The following SLCO5A1 variants were observed in gnomAD, a reference collection of about 807,000 sequenced individuals.
SLCO5A1 encodes the protein organic anion transporter polypeptide-related protein 4.
Under a neutral mutation model 65.1 loss-of-function variants are expected in SLCO5A1, and 39 were observed. The ratio of observed to expected loss-of-function variants is 0.60; its 90% CI spans 0.46 to 0.78. The LOEUF (loss-of-function observed/expected upper bound fraction) is 0.78. Ranked by LOEUF, SLCO5A1 falls within the 30% of genes least tolerant of loss-of-function variation. The pLI, the probability that SLCO5A1 is intolerant of heterozygous loss-of-function variation, is 0.00. For synonymous variants in SLCO5A1, 438 were observed against 415.7 expected (o/e 1.05, Z -0.65); for missense variants, 1,029 against 1,069.4 (o/e 0.96, Z 0.53).
At position 69,788,672 on chromosome 8, in the gene SLCO5A1, T is replaced by A. The variant is rs1819138471; in HGVS notation, c.908-26797A>T. Among the ~76,000 whole-genome samples, 3 of 152,150 alleles carry A rather than the reference T, an allele frequency of 2.0e-5. No homozygotes were observed. The East Asian group carries it at 5.8e-4, about 29-fold the overall frequency. ...CTCTAACAACCTTGGTATAAACTGA[T>A]TATACATATAATTATCATTTTTAAT... On this transcript the variant is annotated intron_variant, in intron 2 of 9. Transcript: ENST00000260126.
intron 5 of SLCO5A1, among the ~76,000 whole-genome samples, chr8:69,730,629 T>A (rs1033373280): frequency 2.6e-4 from 39 of 152,328 alleles, no homozygotes; most frequent in Non-Finnish European, 4.9e-4. Context: ...TGACTCCTAG[T>A]CAAGGCACAA....
At position 69,734,871 on chromosome 8, in the gene SLCO5A1, A is replaced by T. The variant is rs937811834; in HGVS notation, c.1423+3169T>A. ...GGGATTCAGAGAACAAAAGAGCTCA[A>T]ATTTTAAAATTTCTTTGAAAAATGA... is the stretch of plus-strand genomic sequence containing the variant. On this transcript the variant is annotated intron_variant, in intron 5 of 9. Coordinates refer to ENST00000260126, the MANE Select transcript of SLCO5A1 (RefSeq NM_030958.3). 4.6e-5 allele frequency among the ~76,000 whole-genome samples: 7 copies of T among 152,356 alleles called. No homozygotes were observed. The East Asian group carries it at 1.3e-3, about 29-fold the overall frequency.
At chr8:69,744,777 C>T (rs766795480) in intron 4 of SLCO5A1, among the ~76,000 whole-genome samples, 2 of 152,084 alleles carry the variant, frequency 1.3e-5, no homozygotes, top group Non-Finnish European at 2.9e-5. Flanking sequence ...GAGTCCATTC[C>T]AAAGAGACAT....
intron 5 of SLCO5A1, among the ~76,000 whole-genome samples, chr8:69,716,399 CTG>C (rs1815540479): frequency 6.6e-6 from 1 of 152,218 alleles, no homozygotes; most frequent in Non-Finnish European, 1.5e-5. Flanking sequence ...AAGTACCAAA[CTG>C]TTTTCCAAAG....
intron 6 of SLCO5A1, among the ~76,000 whole-genome samples, chr8:69,684,013 C>A (rs1039475763): frequency 1.3e-5 from 2 of 152,058 alleles, no homozygotes; most frequent in African/African-American, 4.8e-5. Context: ...ATGGGGGAAA[C>A]AAATTCAAAA....
intron 6 of SLCO5A1, 110 bp from the exon 7 acceptor site, chr8:69,682,453 G>A (rs1162900314): frequency 1.8e-6 from 2 of 1,123,418 alleles, no homozygotes; most frequent in Non-Finnish European, 2.4e-6. Context: ...TCTTCCCATT[G>A]AATCAAAGCC....
intron 5 of SLCO5A1, among the ~76,000 whole-genome samples, chr8:69,726,020 A>T (rs1816053445): frequency 6.6e-6 from 1 of 152,222 alleles, no homozygotes; most frequent in African/African-American, 2.4e-5. Context: ...CACCGAGGTG[A>T]ATGTCCTCAG....
intron 4 of SLCO5A1, among the ~76,000 whole-genome samples, chr8:69,739,214 C>G (rs1816695209): frequency 6.6e-6 from 1 of 152,150 alleles, no homozygotes; most frequent in African/African-American, 2.4e-5. Flanking sequence ...TTTATATGGT[C>G]AAATATATAC....
At position 69,755,528 on chromosome 8, in the gene SLCO5A1, G is replaced by A; in HGVS notation, c.1154C>T (p.Ser385Phe). Residue 385 changes from serine (S) to phenylalanine (F), a missense_variant, in exon 4 of 10, where the codon TCT becomes TTT. Coordinates refer to ENST00000260126, the MANE Select transcript of SLCO5A1 (RefSeq NM_030958.3). ...RHKKKKKKKF[S>F]VDAVSDDDVL... The stretch of plus-strand genomic sequence containing the variant: ...ATCGTCATCACTAACAGCATCAACA[G>A]AAAATTTTTTCTTTTTCTTTTTCTT... 1.2e-6 allele frequency: 2 copies of A among 1,614,038 alleles called. No homozygotes were observed. The highest frequency in any genetic ancestry group is 2.2e-5 in the South Asian group (2 of 91,074).
Position 69,831,817 on chromosome 8 carries a change from G to T in SLCO5A1, c.857C>A (p.Pro286Gln), listed in dbSNP as rs1302540254. 5 of 1,614,006 alleles carry T rather than the reference G, an allele frequency of 3.1e-6. No individual in the cohort carries two copies. Among genetic ancestry groups the T allele is most frequent in the Non-Finnish European group, 3.4e-6 (4 of 1,180,036 alleles). The change falls in exon 2 of 10, where the codon CCA (proline) becomes CAA (glutamine). Residue 286 changes from proline (P) to glutamine (Q), a missense_variant. Physicochemically the swap from Pro to Gln is moderately conservative, Grantham distance 76. Transcript: ENST00000260126. ...MGSTPIYTLG[P>Q]TYLDDNVKKE... ...CTTGACATTGTCATCTAAGTAGGTT[G>T]GTCCCAGGGTATAAATAGGTGTGGA...
chr8:69,782,711 C>T (rs1041307022), intron 2 of SLCO5A1, among the ~76,000 whole-genome samples: 1 of 151,896 alleles, frequency 6.6e-6, no homozygotes, highest in Non-Finnish European at 1.5e-5. Context: ...TCACACAACA[C>T]TTCAATTTAT....
In SLCO5A1 at chr8:69,745,561, T is replaced by C. The variant is rs909992470; in HGVS notation, c.1259-7357A>G. Among the ~76,000 whole-genome samples, 15 of 152,300 alleles carry C rather than the reference T, an allele frequency of 9.8e-5. No individual in the cohort carries two copies. In the East Asian group the frequency reaches 2.9e-3, roughly 29 times the overall value. On this transcript the variant is annotated intron_variant, in intron 4 of 9. Coordinates refer to ENST00000260126, the MANE Select transcript of SLCO5A1 (RefSeq NM_030958.3). ...TTTCTACCCAGGTATAAATTATGAG[T>C]ATTAAATACCAAACAAACATACTGG...
intron 2 of SLCO5A1, among the ~76,000 whole-genome samples, chr8:69,789,991 G>A (rs1819200497): frequency 6.6e-6 from 1 of 151,936 alleles, no homozygotes; most frequent in Admixed American, 6.6e-5. Flanking sequence ...TCAGGAGTTT[G>A]AGACCAGCCT....
intron 2 of SLCO5A1, among the ~76,000 whole-genome samples, chr8:69,800,913 C>T (rs1314365770): frequency 1.3e-5 from 2 of 152,172 alleles, no homozygotes; most frequent in Non-Finnish European, 2.9e-5. Context: ...TCACATGGCC[C>T]CATCCAACGC....
chr8:69,686,238 A>AAAAAAAAAAAAAAG (rs1159085565), intron 6 of SLCO5A1, among the ~76,000 whole-genome samples: 14 of 151,854 alleles, frequency 9.2e-5, no homozygotes, highest in African/African-American at 2.9e-4. Flanking sequence ...CAGCAAAAAA[A>AAAAAAAAAAAAAAG]AGAGAGAGAA....
rs1813298948 is a variant in SLCO5A1, at chr8:69,670,473, CCAA to C, written c.*2393_*2395del. ...ATTTTTACTACTTAGTCTACATTCA[CCAA>C]CAACACATTAATGAAATACCTGCTA... On this transcript the variant is annotated 3_prime_UTR_variant, in exon 10 of 10. Transcript: ENST00000260126. The C allele has an allele frequency of 1.3e-5, 2 of 152,142 alleles. No individual in the cohort carries two copies. Among genetic ancestry groups the C allele is most frequent in the African/African-American group, 2.4e-5 (1 of 41,420 alleles). 9.4% of individuals were successfully genotyped at this position (152,142 alleles called of 1,614,324 possible).
At chr8:69,698,478 GT>G (rs1814590948) in intron 6 of SLCO5A1, among the ~76,000 whole-genome samples, 1 of 152,180 alleles carries the variant, frequency 6.6e-6, no homozygotes, top group African/African-American at 2.4e-5. Context: ...CACCAGCAGT[GT>G]ATAAGCATTT....
At chr8:69,694,984 T>A (rs1814436604) in intron 6 of SLCO5A1, among the ~76,000 whole-genome samples, 1 of 152,092 alleles carries the variant, frequency 6.6e-6, no homozygotes, top group South Asian at 2.1e-4. Flanking sequence ...ATGAGTAACA[T>A]CCCTGAGCAG....
intron 6 of SLCO5A1, among the ~76,000 whole-genome samples, chr8:69,702,199 A>G (rs1004615294): frequency 1.3e-5 from 2 of 152,238 alleles, no homozygotes; most frequent in Non-Finnish European, 2.9e-5. Context: ...TTAATTTATT[A>G]GTGATGACTA....
Sources: allele counts gnomAD v4.1 joint callset (sites outside exome capture counted in the v4.1 genomes callset), GRCh38; gene constraint gnomAD v4.1.1; transcripts MANE v1.5; gene names NCBI Gene and HGNC (gene_info 2026-07-23, HGNC 2026-07-21).